Variants in DLGAP1 observed in about 807,000 individuals in gnomAD.
The protein encoded by DLGAP1 is disks large-associated protein 1.
DLGAP1 carries 11 observed loss-of-function variants against 90.8 expected under a neutral mutation model. The ratio of observed to expected loss-of-function variants is 0.12; its 90% CI spans 0.08 to 0.20. The LOEUF (loss-of-function observed/expected upper bound fraction) is 0.20. Among genes scored for constraint, DLGAP1 ranks in the 10% least tolerant of loss-of-function variants. The pLI, the probability that DLGAP1 is intolerant of heterozygous loss-of-function variation, is 1.00. For missense variants in DLGAP1, 1,050 were observed against 1,333.8 expected, an observed-to-expected ratio of 0.79 and a Z score of 3.31; for synonymous variants, 558 against 540.7, an observed-to-expected ratio of 1.03 and a Z score of -0.44.
At chr18:4,115,687 C>T (rs1053169619) in intron 2 of DLGAP1, among the ~76,000 whole-genome samples, 35 of 152,028 alleles carry the variant, frequency 2.3e-4, no homozygotes, top group Non-Finnish European at 2.6e-4. Context: ...GGGGTTTCAC[C>T]GTGTTAGCCA....
intron 7 of DLGAP1, among the ~76,000 whole-genome samples, chr18:3,698,455 G>T (rs1298723346): frequency 1.3e-5 from 2 of 152,162 alleles, no homozygotes; most frequent in Non-Finnish European, 2.9e-5. Flanking sequence ...AGCTTAGTTT[G>T]GCTGGATATG....
At chr18:4,443,562 A>G (rs1182626559) in intron 1 of DLGAP1, among the ~76,000 whole-genome samples, 2 of 152,260 alleles carry the variant, frequency 1.3e-5, no homozygotes, top group East Asian at 1.9e-4. Flanking sequence ...GAAGTCATTA[A>G]GTTAGAAGCC....
At chr18:3,730,291 C>T (rs1001042308) in intron 6 of DLGAP1, among the ~76,000 whole-genome samples, 16 of 3,372 alleles carry the variant, frequency 4.7e-3, no homozygotes, top group African/African-American at 0.039. Context: ...TGATAAGATT[C>T]ATAAATTATT....
chr18:3,537,707 A>G (rs899563671), intron 9 of DLGAP1, among the ~76,000 whole-genome samples: 4 of 152,202 alleles, frequency 2.6e-5, no homozygotes, highest in African/African-American at 9.7e-5. Context: ...CATAGTGGCT[A>G]CACCATTTTG....
At chr18:3,934,406 C>T (rs1321760241) in intron 3 of DLGAP1, among the ~76,000 whole-genome samples, 1 of 152,014 alleles carries the variant, frequency 6.6e-6, no homozygotes, top group East Asian at 1.9e-4. Flanking sequence ...ACTCACTCAA[C>T]AAATGTTTAA....
At chr18:4,180,277 A>G (rs1240378455) in intron 1 of DLGAP1, among the ~76,000 whole-genome samples, 1 of 152,036 alleles carries the variant, frequency 6.6e-6, no homozygotes, top group Non-Finnish European at 1.5e-5. Flanking sequence ...CTTCAGTTAC[A>G]CTCATCCAGC....
chr18:3,605,458 A>G (rs2057285176), intron 7 of DLGAP1, among the ~76,000 whole-genome samples: 1 of 152,214 alleles, frequency 6.6e-6, no homozygotes, highest in Admixed American at 6.5e-5. Flanking sequence ...AATGCTCCAC[A>G]TTTTACACAG....
At chr18:3,597,638 A>G in intron 7 of DLGAP1, 1 of 222,330 alleles carries the variant, frequency 4.5e-6, no homozygotes, top group South Asian at 5.3e-5. Flanking sequence ...AAAGCAGCCC[A>G]TTGCTGCCAC....
chr18:3,806,843 C>A (rs549517992), intron 5 of DLGAP1, among the ~76,000 whole-genome samples: 36 of 152,324 alleles, frequency 2.4e-4, no homozygotes, highest in African/African-American at 8.7e-4. Flanking sequence ...GCTTTGTTTA[C>A]ACAGCCCCTT....
At chr18:4,227,875 A>G (rs2145027906) in intron 1 of DLGAP1, among the ~76,000 whole-genome samples, 1 of 151,972 alleles carries the variant, frequency 6.6e-6, no homozygotes, top group Middle Eastern at 3.4e-3. Flanking sequence ...AATGAAAATG[A>G]AATGAAGAAA....
At chr18:3,694,939 G>GTTTTTTTTTTTTTTTTT in intron 7 of DLGAP1, among the ~76,000 whole-genome samples, 1 of 125,254 alleles carries the variant, frequency 8.0e-6, no homozygotes, top group Non-Finnish European at 1.7e-5. Context: ...TGTTTTTTTT[G>GTTTTTTTTTTTTTTTTT]TTTTTTTTTT....
chr18:3,695,437 C>T (rs915843900), intron 7 of DLGAP1, among the ~76,000 whole-genome samples: 7 of 152,184 alleles, frequency 4.6e-5, no homozygotes, highest in African/African-American at 1.7e-4. Flanking sequence ...CCAGTTTTCC[C>T]AGCACCATTT....
intron 5 of DLGAP1, among the ~76,000 whole-genome samples, chr18:3,811,579 A>G (rs2148412210): frequency 6.6e-6 from 1 of 152,250 alleles, no homozygotes; most frequent in East Asian, 1.9e-4. Flanking sequence ...GAGGGATGAA[A>G]TAGCAGTCAC....
At chr18:4,442,570 T>C (rs1194215095) in intron 1 of DLGAP1, among the ~76,000 whole-genome samples, 1 of 151,694 alleles carries the variant, frequency 6.6e-6, no homozygotes, top group African/African-American at 2.4e-5. Flanking sequence ...ACATATAGAC[T>C]AGATATACTG....
chr18:4,249,447 CAAAAAAA>C (rs11301773), intron 1 of DLGAP1, among the ~76,000 whole-genome samples: 1 of 101,622 alleles, frequency 9.8e-6, no homozygotes, highest in Non-Finnish European at 2.0e-5. Flanking sequence ...AATGTTCTGG[CAAAAAAA>C]AAAAAAAAAA....
intron 1 of DLGAP1, among the ~76,000 whole-genome samples, chr18:4,360,606 A>G (rs553549981): frequency 4.1e-4 from 63 of 152,376 alleles, no homozygotes; most frequent in African/African-American, 1.4e-3. Flanking sequence ...TTATGAATAC[A>G]GCACTGTGTA....
chr18:3,851,795 T>G (rs1368774504), intron 4 of DLGAP1, among the ~76,000 whole-genome samples: 1 of 152,142 alleles, frequency 6.6e-6, no homozygotes, highest in African/African-American at 2.4e-5. Flanking sequence ...TGTTATTAAT[T>G]AAACCAATAA....
chr18:3,666,999 C>T (rs1286300184), intron 7 of DLGAP1, among the ~76,000 whole-genome samples: 1 of 152,060 alleles, frequency 6.6e-6, no homozygotes, highest in African/African-American at 2.4e-5. Flanking sequence ...GTACTCCTGA[C>T]CTCAAGTGAT....
chr18:3,789,825 CA>C (rs1367603928), intron 5 of DLGAP1, among the ~76,000 whole-genome samples: 1 of 152,086 alleles, frequency 6.6e-6, no homozygotes, highest in Non-Finnish European at 1.5e-5. Flanking sequence ...AAGGAGGTAA[CA>C]GATATGAAAC....
Sources: gnomAD v4.1 joint callset for allele counts (sites outside exome capture counted in the v4.1 genomes callset) on GRCh38, gnomAD v4.1.1 for gene constraint, MANE v1.5 for transcripts, NCBI Gene and HGNC (gene_info 2026-07-23, HGNC 2026-07-21) for gene names.